GABRB2: variants seen among roughly 807,000 people sequenced by gnomAD.
GABRB2 encodes gamma-aminobutyric acid receptor subunit beta-2.
A neutral mutation model predicts 54.7 loss-of-function variants in GABRB2; 16 were observed. The ratio of observed to expected loss-of-function variants is 0.29; its 90% confidence interval spans 0.20 to 0.44. The LOEUF (loss-of-function observed/expected upper bound fraction) is 0.44, where lower values mean the gene tolerates loss of function less well. GABRB2 is among the 20% of genes least tolerant of loss of function. The pLI is 1.00. For missense variants in GABRB2, 355 were observed against 644.0 expected (o/e 0.55, Z 4.86); for synonymous variants, 244 against 233.8 (o/e 1.04, Z -0.40).
intron 9 of GABRB2, among the ~76,000 whole-genome samples, chr5:161,313,000 A>G (rs1442902586): frequency 2.0e-5 from 3 of 152,182 alleles, no homozygotes. Context: ...TGTGGGTAGG[A>G]GAAGGGATAG....
At chr5:161,462,643 T>C (rs1758147713) in intron 3 of GABRB2, among the ~76,000 whole-genome samples, 1 of 152,152 alleles carries the variant, frequency 6.6e-6, no homozygotes, top group Non-Finnish European at 1.5e-5. Flanking sequence ...ACTAAATAAA[T>C]GTTAAGATTG....
At chr5:161,428,593 T>A (rs1416554321) in intron 4 of GABRB2, among the ~76,000 whole-genome samples, 1 of 152,140 alleles carries the variant, frequency 6.6e-6, no homozygotes, top group Non-Finnish European at 1.5e-5. Flanking sequence ...TATAGTGTCG[T>A]CAATAAATTT....
intron 3 of GABRB2, among the ~76,000 whole-genome samples, chr5:161,482,804 T>G (rs1324744201): frequency 1.3e-5 from 2 of 152,056 alleles, no homozygotes; most frequent in African/African-American, 2.4e-5. Context: ...CCATATTTAA[T>G]TGTTACTTAT....
intron 4 of GABRB2, among the ~76,000 whole-genome samples, chr5:161,439,574 TA>T (rs1757403238): frequency 6.6e-6 from 1 of 152,100 alleles, no homozygotes. Flanking sequence ...GATGAATCAA[TA>T]AAAGTAATAA....
intron 5 of GABRB2, among the ~76,000 whole-genome samples, chr5:161,383,381 T>C (rs1331006568): frequency 6.6e-6 from 1 of 152,118 alleles, no homozygotes; most frequent in African/African-American, 2.4e-5. Context: ...TTTTTTTCAA[T>C]TTTTCTAAAT....
chr5:161,493,018 C>A (rs186416322), intron 3 of GABRB2, among the ~76,000 whole-genome samples: 35 of 151,796 alleles, frequency 2.3e-4, no homozygotes, highest in Middle Eastern at 3.4e-3. Flanking sequence ...CTAATGCCAG[C>A]ATTTCTGAAT....
intron 4 of GABRB2, among the ~76,000 whole-genome samples, chr5:161,442,725 G>A (rs17521973): frequency 6.6e-6 from 1 of 152,056 alleles, no homozygotes; most frequent in Admixed American, 6.6e-5. Context: ...CCCTGCCATT[G>A]CATTCCCTCA....
chr5:161,382,658 C>G lies in GABRB2; in HGVS notation c.541+28317G>C, dbSNP rs558654920. 1.1e-4 allele frequency among the ~76,000 whole-genome samples: 17 copies of G among 152,284 alleles called. No homozygotes were observed. The South Asian group carries it at 3.5e-3, about 32-fold the overall frequency. On this transcript the variant is annotated intron_variant, in intron 5 of 9. Coordinates refer to ENST00000393959, the MANE Select transcript of GABRB2 (RefSeq NM_001371727.1). ...TACTCATTGTCCCATGACTTGGCTC[C>G]TAAGGACCTAAAATCTAGTCACTGG...
intron 5 of GABRB2, among the ~76,000 whole-genome samples, chr5:161,367,721 A>T (rs1755011004): frequency 6.6e-6 from 1 of 152,162 alleles, no homozygotes; most frequent in Non-Finnish European, 1.5e-5. Flanking sequence ...CACGGCAAAA[A>T]AATGTCACTT....
intron 9 of GABRB2, among the ~76,000 whole-genome samples, chr5:161,294,946 T>G (rs1204263652): frequency 6.6e-6 from 1 of 152,190 alleles, no homozygotes; most frequent in Non-Finnish European, 1.5e-5. Context: ...TTGGATACAA[T>G]TTCATCTAAT....
At chr5:161,326,599 TA>T (rs564057584) in intron 8 of GABRB2, 118 bp from the exon 9 acceptor site, 2 of 1,253,312 alleles carry the variant, frequency 1.6e-6, no homozygotes, top group South Asian at 4.2e-5. Context: ...ATCCTTTAGA[TA>T]AAGGCTAACA....
At chr5:161,382,621 C>T (rs1379040301) in intron 5 of GABRB2, among the ~76,000 whole-genome samples, 1 of 152,180 alleles carries the variant, frequency 6.6e-6, no homozygotes, top group Admixed American at 6.6e-5. Context: ...GGGCCTTCCT[C>T]CTTCCCAACC....
At chr5:161,462,955 T>A (rs2113273658) in intron 3 of GABRB2, among the ~76,000 whole-genome samples, 1 of 152,188 alleles carries the variant, frequency 6.6e-6, no homozygotes, top group East Asian at 1.9e-4. Context: ...ATTTGACAAC[T>A]CCACCTTTGG....
chr5:161,351,261 G>T (rs1754462440), intron 5 of GABRB2, among the ~76,000 whole-genome samples: 1 of 152,014 alleles, frequency 6.6e-6, no homozygotes, highest in Admixed American at 6.6e-5. Flanking sequence ...AGAAAAAAGA[G>T]CAAAGCTGGA....
intron 4 of GABRB2, among the ~76,000 whole-genome samples, chr5:161,416,647 A>C (rs1756675122): frequency 1.4e-5 from 2 of 138,986 alleles, no homozygotes; most frequent in South Asian, 5.0e-4. Flanking sequence ...CGGTGAGCCG[A>C]GATCGCGCCG....
At chr5:161,531,773 A>C (rs957116928) in intron 3 of GABRB2, among the ~76,000 whole-genome samples, 7 of 152,070 alleles carry the variant, frequency 4.6e-5, no homozygotes, top group African/African-American at 7.2e-5. Context: ...TGAATATGAG[A>C]TGAAAACATT....
chr5:161,326,918 A>G (rs1561608796), intron 8 of GABRB2: 2 of 809,590 alleles, frequency 2.5e-6, no homozygotes, highest in Non-Finnish European at 3.0e-6. Flanking sequence ...GCGTGTTCTT[A>G]GTATTTGGCA....
intron 4 of GABRB2, among the ~76,000 whole-genome samples, chr5:161,449,630 A>C (rs906203681): frequency 6.6e-6 from 1 of 152,192 alleles, no homozygotes; most frequent in Non-Finnish European, 1.5e-5. Context: ...AAACAATGGA[A>C]GTCTCTTCTG....
At chr5:161,513,554 T>C (rs1241081763) in intron 3 of GABRB2, among the ~76,000 whole-genome samples, 1 of 152,048 alleles carries the variant, frequency 6.6e-6, no homozygotes, top group Admixed American at 6.6e-5. Context: ...CTGTATATTA[T>C]CATTTATAAC....
Sources: allele counts gnomAD v4.1 joint callset (sites outside exome capture counted in the v4.1 genomes callset), GRCh38; gene constraint gnomAD v4.1.1; transcripts MANE v1.5; gene names NCBI Gene and HGNC (gene_info 2026-07-23, HGNC 2026-07-21).